The following ZDHHC14 variants were observed in gnomAD, a reference collection of about 807,000 sequenced individuals.
The protein encoded by ZDHHC14 is zDHHC palmitoyltransferase 14.
ZDHHC14 carries 16 observed loss-of-function variants against 47.7 expected under a neutral mutation model. That is an observed-to-expected ratio of 0.34 (90% CI 0.23 to 0.51). The LOEUF is 0.51. Among genes scored for constraint, ZDHHC14 ranks in the 20% least tolerant of loss-of-function variants. The pLI is 0.97. For synonymous variants in ZDHHC14, 293 were observed against 278.9 expected, an observed-to-expected ratio of 1.05 and a Z score of -0.50; for missense variants, 515 against 662.5, an observed-to-expected ratio of 0.78 and a Z score of 2.44.
At chr6:157,613,821 G>A (rs536598997) in intron 3 of ZDHHC14, among the ~76,000 whole-genome samples, 24 of 152,274 alleles carry the variant, frequency 1.6e-4, no homozygotes, top group Non-Finnish European at 2.8e-4. Flanking sequence ...GCACGAGAGT[G>A]AAGGGATCCA....
intron 1 of ZDHHC14, among the ~76,000 whole-genome samples, chr6:157,400,590 G>A (rs979469520): frequency 1.6e-4 from 25 of 152,146 alleles, no homozygotes; most frequent in African/African-American, 5.8e-4. Context: ...TTGATTTCAT[G>A]ACCCACAACC....
At chr6:157,399,458 C>T (rs150127453) in intron 1 of ZDHHC14, among the ~76,000 whole-genome samples, 2 of 152,184 alleles carry the variant, frequency 1.3e-5, no homozygotes, top group Non-Finnish European at 2.9e-5. Context: ...GCCCTGTCTT[C>T]GGGCGGGCTT....
intron 3 of ZDHHC14, among the ~76,000 whole-genome samples, chr6:157,625,046 C>A (rs1286390029): frequency 6.6e-6 from 1 of 152,168 alleles, no homozygotes; most frequent in African/African-American, 2.4e-5. Context: ...CCCGCTCCCA[C>A]AATAACAGCA....
chr6:157,628,238 C>A, intron 3 of ZDHHC14, 111 bp from the exon 4 acceptor site: 1 of 1,063,594 alleles, frequency 9.4e-7, no homozygotes. Flanking sequence ...AGAATAATAT[C>A]ATTGTGTTAT....
chr6:157,549,232 C>T (rs751286474), intron 2 of ZDHHC14, among the ~76,000 whole-genome samples: 1 of 152,222 alleles, frequency 6.6e-6, no homozygotes, highest in Admixed American at 6.5e-5. Context: ...GGTACAGCCT[C>T]GAGCTTCGAA....
chr6:157,505,989 T>G (rs1466277151), intron 1 of ZDHHC14, among the ~76,000 whole-genome samples: 1 of 152,222 alleles, frequency 6.6e-6, no homozygotes, highest in African/African-American at 2.4e-5. Flanking sequence ...TGAGCTCTAG[T>G]GTAGATAGCA....
At chr6:157,628,659 TC>T in intron 4 of ZDHHC14, 173 bp downstream of exon 4, 1 of 792,474 alleles carries the variant, frequency 1.3e-6, no homozygotes, top group Non-Finnish European at 2.0e-6. Context: ...CCCTCCTCCA[TC>T]CCTCCTCCGT....
At chr6:157,556,842 C>A (rs186364387) in intron 2 of ZDHHC14, among the ~76,000 whole-genome samples, 1 of 152,112 alleles carries the variant, frequency 6.6e-6, no homozygotes, top group Non-Finnish European at 1.5e-5. Flanking sequence ...GGGTTCCAGG[C>A]GAGCTGAAGA....
intron 1 of ZDHHC14, among the ~76,000 whole-genome samples, chr6:157,393,501 A>G (rs1237507148): frequency 6.6e-6 from 1 of 152,212 alleles, no homozygotes; most frequent in Admixed American, 6.5e-5. Context: ...TTATTTTAAC[A>G]CTAAATACCA....
At chr6:157,465,573 G>C (rs1027290688) in intron 1 of ZDHHC14, among the ~76,000 whole-genome samples, 15 of 151,884 alleles carry the variant, frequency 9.9e-5, no homozygotes, top group African/African-American at 3.6e-4. Context: ...CATCTGGATA[G>C]TTAATGCCGT....
At chr6:157,668,180 G>A (rs1452180088) in intron 8 of ZDHHC14, among the ~76,000 whole-genome samples, 2 of 152,222 alleles carry the variant, frequency 1.3e-5, no homozygotes, top group Non-Finnish European at 2.9e-5. Flanking sequence ...CAGGAAAGCT[G>A]GGGAGGGCAC....
rs538995320 is a variant in ZDHHC14 at position 157,425,544 on chromosome 6, C to G, written c.245+43278C>G. Among the ~76,000 whole-genome samples, 13 of 152,264 alleles carry G rather than the reference C, an allele frequency of 8.5e-5. No individual in the cohort carries two copies. The East Asian group carries it at 2.5e-3, about 29-fold the overall frequency. On this transcript the variant is annotated intron_variant, in intron 1 of 8. Coordinates refer to ENST00000359775, the MANE Select transcript of ZDHHC14 (RefSeq NM_024630.3). ...TCAATAGTGAAATGCGACTAGTGTT[C>G]CCTTTCTAAATGCTGAATTTTGGTT...
At chr6:157,479,367 A>G (rs532896757) in intron 1 of ZDHHC14, among the ~76,000 whole-genome samples, 2 of 152,304 alleles carry the variant, frequency 1.3e-5, no homozygotes, top group East Asian at 1.9e-4. Context: ...TACTGTGTTC[A>G]TATTTTCAGT....
intron 4 of ZDHHC14, chr6:157,632,204 G>A (rs1004003966): frequency 1.3e-5 from 2 of 153,852 alleles, no homozygotes; most frequent in Non-Finnish European, 2.9e-5. Flanking sequence ...ACCTGGCACC[G>A]CTACCCTAAG....
intron 1 of ZDHHC14, among the ~76,000 whole-genome samples, chr6:157,491,877 T>G (rs555938888): frequency 1.3e-3 from 202 of 152,360 alleles, no homozygotes; most frequent in African/African-American, 3.7e-3. Context: ...AGCGTAATCC[T>G]AAGGATTAAT....
intron 1 of ZDHHC14, among the ~76,000 whole-genome samples, chr6:157,389,281 TTCTC>T (rs1403659974): frequency 6.6e-6 from 1 of 152,216 alleles, no homozygotes. Flanking sequence ...TTCTGTCTTT[TTCTC>T]TCTCTTCCTC....
At chr6:157,409,227 T>G (rs936198660) in intron 1 of ZDHHC14, among the ~76,000 whole-genome samples, 2 of 152,192 alleles carry the variant, frequency 1.3e-5, no homozygotes, top group Non-Finnish European at 2.9e-5. Context: ...ACTTTCTGCT[T>G]CCGCGTCCCA....
chr6:157,406,676 T>G (rs1284691139), intron 1 of ZDHHC14, among the ~76,000 whole-genome samples: 1 of 152,266 alleles, frequency 6.6e-6, no homozygotes, highest in Admixed American at 6.5e-5. Flanking sequence ...AAATAAGACA[T>G]TTCCCTCTGC....
intron 2 of ZDHHC14, among the ~76,000 whole-genome samples, chr6:157,589,542 G>C (rs1209710010): frequency 2.0e-5 from 3 of 152,134 alleles, no homozygotes; most frequent in Non-Finnish European, 4.4e-5. Context: ...ATGATAGTGA[G>C]TGAGTTCTCA....
Sources: allele counts gnomAD v4.1 joint callset (sites outside exome capture counted in the v4.1 genomes callset), GRCh38; gene constraint gnomAD v4.1.1; transcripts MANE v1.5; gene names NCBI Gene and HGNC (gene_info 2026-07-23, HGNC 2026-07-21).